Variants in SEMA6D observed in about 807,000 individuals in gnomAD.
SEMA6D encodes the protein semaphorin 6D, also known as semaphorin-6D.
Under a neutral mutation model 106.6 loss-of-function variants are expected in SEMA6D, and 35 were observed. That is an observed-to-expected ratio of 0.33 (90% CI 0.25 to 0.44). The LOEUF (loss-of-function observed/expected upper bound fraction) is 0.44, where lower values mean the gene tolerates loss of function less well. Among genes scored for constraint, SEMA6D ranks in the 20% least tolerant of loss-of-function variants. The pLI, the probability that SEMA6D is intolerant of heterozygous loss-of-function variation, is 1.00. For synonymous variants in SEMA6D, 499 were observed against 487.7 expected, an observed-to-expected ratio of 1.02 and a Z score of -0.31; for missense variants, 1,185 against 1,345.9, an observed-to-expected ratio of 0.88 and a Z score of 1.87.
At chr15:47,723,192 T>C (rs2079524308) in intron 1 of SEMA6D, among the ~76,000 whole-genome samples, 1 of 152,204 alleles carries the variant, frequency 6.6e-6, no homozygotes, top group Admixed American at 6.5e-5. Context: ...TAAATTACCA[T>C]CTTTTTTCTA....
intron 3 of SEMA6D, among the ~76,000 whole-genome samples, chr15:47,542,888 CTG>C (rs2045400315): frequency 6.6e-6 from 1 of 152,114 alleles, no homozygotes; most frequent in Admixed American, 6.6e-5. Flanking sequence ...CTAGCAATGA[CTG>C]TGCATCTGTT....
intron 1 of SEMA6D, among the ~76,000 whole-genome samples, chr15:47,255,759 C>A (rs982524893): frequency 2.0e-5 from 3 of 151,982 alleles, no homozygotes; most frequent in Non-Finnish European, 4.4e-5. Context: ...TATAAAAATG[C>A]TTTGAATAGC....
chr15:47,772,039 T>C lies in SEMA6D; in HGVS notation c.*254T>C, dbSNP rs1371701327. ...TTTTGTTTGAAGCTAAAGAGATGTG[T>C]AGCTCACAGGGGCTACCTTACCAGT... On this transcript the variant is annotated 3_prime_UTR_variant, in exon 19 of 19. Coordinates refer to ENST00000536845, the MANE Select transcript of SEMA6D (RefSeq NM_001358351.3). 4.1e-6 allele frequency: 2 copies of C among 483,636 alleles called. No homozygotes were observed. Among genetic ancestry groups the C allele is most frequent in the East Asian group, 6.6e-5 (2 of 30,530 alleles). 30.0% of individuals were successfully genotyped at this position (483,636 alleles called of 1,614,324 possible).
intron 2 of SEMA6D, among the ~76,000 whole-genome samples, chr15:47,449,584 T>C (rs996870597): frequency 2.0e-5 from 3 of 152,062 alleles, no homozygotes; most frequent in Admixed American, 2.0e-4. Flanking sequence ...AGCAATTGTA[T>C]TGAATTATTT....
intron 1 of SEMA6D, among the ~76,000 whole-genome samples, chr15:47,755,983 C>T (rs1488553770): frequency 6.6e-6 from 1 of 152,056 alleles, no homozygotes; most frequent in Admixed American, 6.6e-5. Context: ...TATCCTGTCA[C>T]TCACGCCCTG....
intron 2 of SEMA6D, among the ~76,000 whole-genome samples, chr15:47,427,403 C>T (rs1270455630): frequency 1.3e-5 from 2 of 152,152 alleles, no homozygotes; most frequent in Non-Finnish European, 2.9e-5. Flanking sequence ...AGGTTAAATG[C>T]GCTGAGAAAT....
At position 47,518,554 on chromosome 15, in the gene SEMA6D, G is replaced by A. The variant is rs193152519; in HGVS notation, c.-87+48009G>A. ...AACCTGTATAGCAAGTTACTGTACC[G>A]AATATTGCAGGCAGTTTTAGAACAA... On this transcript the variant is annotated intron_variant, in intron 3 of 19. Transcript: ENST00000558014. Among the ~76,000 whole-genome samples the A allele has an allele frequency of 5.6e-3, 847 of 152,222 alleles. 6 individuals are homozygous for A. The highest frequency in any genetic ancestry group is 0.015 in the Admixed American group (226 of 15,292).
chr15:47,278,189 C>G (rs572264094), intron 1 of SEMA6D, among the ~76,000 whole-genome samples: 2 of 152,320 alleles, frequency 1.3e-5, no homozygotes, highest in East Asian at 1.9e-4. Flanking sequence ...AATTGCCACA[C>G]TGACTTCCAC....
intron 1 of SEMA6D, chr15:47,272,583 G>A (rs1326439141): frequency 6.6e-6 from 1 of 152,340 alleles, no homozygotes; most frequent in East Asian, 1.9e-4. Context: ...GATGCAACAA[G>A]AATGGTAATT....
intron 3 of SEMA6D, among the ~76,000 whole-genome samples, chr15:47,523,906 T>G (rs1474021565): frequency 6.6e-6 from 1 of 152,188 alleles, no homozygotes; most frequent in Non-Finnish European, 1.5e-5. Context: ...AGTGGCACAT[T>G]ATCAGAGCTG....
At position 47,772,392 on chromosome 15, in the gene SEMA6D, T is replaced by G. The variant is rs932587348; in HGVS notation, c.*607T>G. The G allele has an allele frequency of 5.0e-5, 2 of 40,090 alleles. No individual in the cohort carries two copies. The highest frequency in any genetic ancestry group is 9.7e-5 in the Non-Finnish European group (2 of 20,514). The allele number at this position is 40,090 out of a possible 1,614,324, so 2.5% of individuals were successfully genotyped here. A position where few individuals can be genotyped will look rare whatever the true frequency, so the allele number is the denominator to read the frequency against. On this transcript the variant is annotated 3_prime_UTR_variant, in exon 19 of 19. Coordinates refer to ENST00000536845, the MANE Select transcript of SEMA6D (RefSeq NM_001358351.3). The stretch of plus-strand genomic sequence containing the variant: ...TGTGTGTGTGTGTGTGTGTGTGTGT[T>G]CTGTACCCACTAGGATTTGTTTAGG...
intron 1 of SEMA6D, among the ~76,000 whole-genome samples, chr15:47,384,329 T>G (rs1172457793): frequency 6.6e-6 from 1 of 152,212 alleles, no homozygotes; most frequent in African/African-American, 2.4e-5. Context: ...CTCATGTTGT[T>G]TTGAGCTCAG....
At chr15:47,552,115 T>G (rs937490518) in intron 3 of SEMA6D, among the ~76,000 whole-genome samples, 2 of 152,108 alleles carry the variant, frequency 1.3e-5, no homozygotes, top group Non-Finnish European at 2.9e-5. Flanking sequence ...ACCATCTAAG[T>G]GCCCAATAGT....
At chr15:47,390,941 G>T (rs900450423) in intron 1 of SEMA6D, among the ~76,000 whole-genome samples, 1 of 152,170 alleles carries the variant, frequency 6.6e-6, no homozygotes, top group African/African-American at 2.4e-5. Context: ...TCAAGAGTTT[G>T]CAAAGGTGCA....
At chr15:47,522,110 C>T (rs77166109) in intron 3 of SEMA6D, among the ~76,000 whole-genome samples, 1 of 152,170 alleles carries the variant, frequency 6.6e-6, no homozygotes, top group Non-Finnish European at 1.5e-5. Flanking sequence ...AATAGCCCAG[C>T]TCTGTGGGCA....
At position 47,314,597 on chromosome 15, in the gene SEMA6D, C is replaced by CAA. The variant is rs764929520; in HGVS notation, c.-238-97776_-238-97775dup. ...TGGGCGACAGAGCGAGACTCCATCTCAAAAAAAAAAAAAAAAAAAAAGAAT... is the reference window on the plus strand; with the variant it reads ...TGGGCGACAGAGCGAGACTCCATCTCAAAAAAAAAAAAAAAAAAAAAAAGAAT... On this transcript the variant is annotated intron_variant, in intron 1 of 19. Coordinates refer to the SEMA6D transcript ENST00000558014. Among the ~76,000 whole-genome samples the CAA allele has an allele frequency of 4.1e-3, 100 of 24,260 alleles. 8 individuals are homozygous for CAA. In the East Asian group the frequency reaches 0.061, roughly 15 times the overall value. 15.9% of individuals were successfully genotyped at this position (24,260 alleles called of 152,430 possible). A position where few individuals can be genotyped will look rare whatever the true frequency, so the allele number is the denominator to read the frequency against.
intron 4 of SEMA6D, among the ~76,000 whole-genome samples, chr15:47,664,137 C>T (rs1168564564): frequency 2.0e-5 from 3 of 152,214 alleles, no homozygotes; most frequent in Non-Finnish European, 4.4e-5. Flanking sequence ...ATTATATCTA[C>T]TGCAGATACC....
intron 3 of SEMA6D, among the ~76,000 whole-genome samples, chr15:47,579,820 T>C (rs1418436637): frequency 6.6e-6 from 1 of 152,174 alleles, no homozygotes; most frequent in Non-Finnish European, 1.5e-5. Context: ...CTCCATAAGA[T>C]TGAGCTATTA....
At chr15:47,468,427 A>G (rs2042728086) in intron 2 of SEMA6D, among the ~76,000 whole-genome samples, 1 of 152,156 alleles carries the variant, frequency 6.6e-6, no homozygotes, top group African/African-American at 2.4e-5. Flanking sequence ...GAATTGTCCT[A>G]CTCATGGTAC....
Sources: allele counts gnomAD v4.1 joint callset (sites outside exome capture counted in the v4.1 genomes callset), GRCh38; gene constraint gnomAD v4.1.1; transcripts MANE v1.5; gene names NCBI Gene and HGNC (gene_info 2026-07-23, HGNC 2026-07-21).